The following DHRS11 variants were observed in gnomAD, a reference collection of about 807,000 sequenced individuals.
The protein encoded by DHRS11 is dehydrogenase/reductase SDR family member 11.
Under a neutral mutation model 30.7 loss-of-function variants are expected in DHRS11, and 18 were observed. The ratio of observed to expected loss-of-function variants is 0.59; its 90% CI spans 0.41 to 0.87. The LOEUF is 0.87. Ranked by LOEUF, DHRS11 falls within the 40% of genes least tolerant of loss-of-function variation. DHRS11 has a pLI of 0.00. For missense variants in DHRS11, 300 were observed against 349.0 expected (o/e 0.86, Z 1.12); for synonymous variants, 123 against 139.6 (o/e 0.88, Z 0.84).
intron 3 of DHRS11, 99 bp from the exon 4 acceptor site, chr17:36,598,822 T>C: frequency 6.8e-7 from 1 of 1,472,014 alleles, no homozygotes; most frequent in Non-Finnish European, 9.2e-7. Context: ...GTCTTCCCGA[T>C]GGGCATCTGG....
Position 36,598,257 on chromosome 17 carries a change from G to A in DHRS11, c.452G>A (p.Ser151Asn). ...GATGGGCACATCATTAACATCAATAGGTGAGGGCAGGTGGCCAATGGGTAC... is the reference window on the plus strand; with the variant it reads ...GATGGGCACATCATTAACATCAATAAGTGAGGGCAGGTGGCCAATGGGTAC... ...VDDGHIININ[S>N]MSGHRVLPLS... Residue 151 changes from serine (S) to asparagine (N), a missense_variant and splice_region_variant, in exon 3 of 7, where the codon AGC (serine) becomes AAC (asparagine). Physicochemically the swap from Ser to Asn is conservative, Grantham distance 46. Coordinates refer to ENST00000618403, the MANE Select transcript of DHRS11 (RefSeq NM_024308.4). The A allele has an allele frequency of 6.2e-7, 1 of 1,613,844 alleles. No homozygotes were observed.
chr17:36,598,263 G>A lies in DHRS11; in HGVS notation c.452+6G>A. 6.2e-7 allele frequency: 1 copy of A among 1,613,814 alleles called. No homozygotes were observed. Among genetic ancestry groups the A allele is most frequent in the South Asian group, 1.1e-5 (1 of 91,074 alleles). ...CACATCATTAACATCAATAGGTGAG[G>A]GCAGGTGGCCAATGGGTACCACTCA... On this transcript the variant is annotated splice_donor_region_variant and intron_variant, in intron 3 of 6. Transcript: ENST00000618403.
chr17:36,598,071 C>A, intron 2 of DHRS11, 92 bp from the exon 3 acceptor site: 1 of 1,322,706 alleles, frequency 7.6e-7, no homozygotes, highest in Non-Finnish European at 1.1e-6. Context: ...TGGAATGCCA[C>A]ACTGCCCCCT....
chr17:36,594,893 G>C (rs1040594138), intron 1 of DHRS11, 78 bp from the exon 2 acceptor site: 1 of 1,477,860 alleles, frequency 6.8e-7, no homozygotes, highest in Non-Finnish European at 9.4e-7. Context: ...AGTGTGACGG[G>C]GGTCGGGGTC....
At position 36,600,002 on chromosome 17, in the gene DHRS11, G is replaced by A. The variant is rs192164091; in HGVS notation, c.706G>A (p.Val236Ile). The A allele has an allele frequency of 6.2e-7, 1 of 1,613,776 alleles. No individual in the cohort carries two copies. The highest frequency in any genetic ancestry group is 2.2e-5 in the East Asian group (1 of 44,846). Reference protein sequence around the residue: ...CLKPEDVAEAVIYVLSTPAHI... With the variant: ...CLKPEDVAEAIIYVLSTPAHI... ...CAAACCCGAGGATGTGGCCGAGGCT[G>A]TTATCTACGTCCTCAGCACCCCCGC... Residue 236 changes from valine to isoleucine, a missense_variant, in exon 6 of 7, where the codon GTT becomes ATT. By Grantham distance (29) the Val-to-Ile change is conservative. Coordinates refer to ENST00000618403, the MANE Select transcript of DHRS11 (RefSeq NM_024308.4).
chr17:36,593,251 A>G (rs892429253), intron 1 of DHRS11, among the ~76,000 whole-genome samples: 1 of 152,152 alleles, frequency 6.6e-6, no homozygotes, highest in Non-Finnish European at 1.5e-5. Context: ...CCCCAAGGGG[A>G]TCCCCAGGCT....
rs994333850 is a variant in DHRS11, at chr17:36,600,569, G to A, written c.*366G>A. The A allele has an allele frequency of 4.1e-5, 17 of 419,132 alleles. No individual in the cohort carries two copies. Among genetic ancestry groups the A allele is most frequent in the Non-Finnish European group, 7.0e-5 (16 of 228,448 alleles). 26.0% of individuals were successfully genotyped at this position (419,132 alleles called of 1,614,324 possible). ...GTGGCTCAGGGCTGGGGTGGCAGAGGGAGGCCTTCACCTTATATCTGTGTT... is the reference window on the plus strand; with the variant it reads ...GTGGCTCAGGGCTGGGGTGGCAGAGAGAGGCCTTCACCTTATATCTGTGTT... On this transcript the variant is annotated 3_prime_UTR_variant, in exon 7 of 7. Transcript: ENST00000618403.
In DHRS11 at chr17:36,592,133, G is replaced by T; in HGVS notation, c.124G>T (p.Ala42Ser). Residue 42 changes from alanine to serine, a missense_variant, in exon 1 of 7, where the codon GCC becomes TCC. Transcript: ENST00000618403. This position sits in a 1 kb window ranked among gnomAD's most constrained non-coding sequence, Gnocchi z 4.4. ...VQQGLKVVGCARTVGNIEELA... is the reference protein window; with the variant it reads ...VQQGLKVVGCSRTVGNIEELA... ...GCAGGGACTGAAGGTGGTGGGCTGCGCCCGCACTGTGGGCAACATCGAGGT... is the reference window on the plus strand; with the variant it reads ...GCAGGGACTGAAGGTGGTGGGCTGCTCCCGCACTGTGGGCAACATCGAGGT... 7.8e-7 allele frequency: 1 copy of T among 1,281,564 alleles called. No individual in the cohort carries two copies. The allele number at this position is 1,281,564 out of a possible 1,614,324, so 79.4% of individuals were successfully genotyped here.
At position 36,600,512 on chromosome 17, in the gene DHRS11, C is replaced by CA. The variant is rs1224617755; in HGVS notation, c.*313dup. 6 of 540,048 alleles carry CA rather than the reference C, an allele frequency of 1.1e-5. No individual in the cohort carries two copies. Among genetic ancestry groups the CA allele is most frequent in the African/African-American group, 1.9e-5 (1 of 52,668 alleles). 33.5% of individuals were successfully genotyped at this position (540,048 alleles called of 1,614,324 possible). On this transcript the variant is annotated 3_prime_UTR_variant, in exon 7 of 7. Transcript: ENST00000618403. ...TTTGACATGGGAAAGGAGTTGTGGC[C>CA]AAAATCCCCATCTTCTTGCACCTCA...
At chr17:36,597,843 A>G (rs1010613346) in intron 2 of DHRS11, 5 of 477,102 alleles carry the variant, frequency 1.0e-5, no homozygotes, top group African/African-American at 5.9e-5. Flanking sequence ...GGTCTGTGCT[A>G]CTGTTCATAG....
chr17:36,599,996 G>T lies in DHRS11; in HGVS notation c.700G>T (p.Glu234Ter), dbSNP rs775575697. 1 of 1,613,742 alleles carries T rather than the reference G, an allele frequency of 6.2e-7. No individual in the cohort carries two copies. Among genetic ancestry groups the T allele is most frequent in the Admixed American group, 1.7e-5 (1 of 59,944 alleles). ...MKCLKPEDVAEAVIYVLSTPA... is the reference protein window; with the variant it reads ...MKCLKPEDVA ...GTGTCTCAAACCCGAGGATGTGGCC[G>T]AGGCTGTTATCTACGTCCTCAGCAC... The change falls in exon 6 of 7, where the codon GAG becomes TAG. Residue 234 changes from glutamate (E) to a stop codon, truncating the protein, a stop_gained. Coordinates refer to ENST00000618403, the MANE Select transcript of DHRS11 (RefSeq NM_024308.4). LOFTEE classifies it high-confidence loss of function.
In DHRS11 at chr17:36,595,182, TAAGAGCTCC is replaced by T. The variant is rs1567841236; in HGVS notation, c.357+6_357+14del. The T allele has an allele frequency of 6.2e-7, 1 of 1,612,986 alleles. No individual in the cohort carries two copies. The highest frequency in any genetic ancestry group is 1.7e-5 in the Admixed American group (1 of 60,024). On this transcript the variant is annotated splice_donor_5th_base_variant and intron_variant, in intron 2 of 6. Coordinates refer to ENST00000618403, the MANE Select transcript of DHRS11 (RefSeq NM_024308.4). ...AGTGGTTGGAAGGACATGTTCAATG[TAAGAGCTCC>T]AAGCCTCCATCTTCCAGGTGGAGGG... is the stretch of plus-strand genomic sequence containing the variant.
intron 1 of DHRS11, among the ~76,000 whole-genome samples, chr17:36,593,495 G>A (rs1014256697): frequency 2.6e-5 from 4 of 152,176 alleles, no homozygotes; most frequent in African/African-American, 9.7e-5. Flanking sequence ...CACCAGGGGA[G>A]GGGAAAGCTG....
Position 36,594,994 on chromosome 17 carries a change from T to A in DHRS11, c.171T>A (p.Ser57Arg), listed in dbSNP as rs765171917. ...AGGAGCTGGCTGCTGAATGTAAGAG[T>A]GCAGGCTACCCCGGGACTTTGATCC... ...NIEELAAECK[S>R]AGYPGTLIPY... is the part of the protein sequence containing the mutation. Residue 57 changes from serine (S) to arginine (R), a missense_variant, in exon 2 of 7, where the codon AGT becomes AGA. By Grantham distance (110) the Ser-to-Arg change is moderately radical (BLOSUM62 -1). Transcript: ENST00000618403. 1.2e-6 allele frequency: 2 copies of A among 1,613,910 alleles called. No individual in the cohort carries two copies. The highest frequency in any genetic ancestry group is 1.7e-6 in the Non-Finnish European group (2 of 1,179,994).
chr17:36,594,326 A>T (rs575022791), intron 1 of DHRS11, among the ~76,000 whole-genome samples: 1 of 152,286 alleles, frequency 6.6e-6, no homozygotes, highest in African/African-American at 2.4e-5. Context: ...GGCGCATATT[A>T]CCTATGGGCA....
intron 3 of DHRS11, chr17:36,598,657 T>C: frequency 3.8e-6 from 2 of 531,838 alleles, no homozygotes; most frequent in East Asian, 6.4e-5. Flanking sequence ...ACAGATTAGA[T>C]GGAGAGAATT....
At chr17:36,598,396 G>A (rs1188038874) in intron 3 of DHRS11, 139 bp downstream of exon 3, 8 of 801,040 alleles carry the variant, frequency 1.0e-5, no homozygotes, top group Non-Finnish European at 1.6e-5. Flanking sequence ...TATGGTGAGG[G>A]AAAGAATAAT....
chr17:36,596,037 G>A (rs1038918394), intron 2 of DHRS11, among the ~76,000 whole-genome samples: 6 of 152,168 alleles, frequency 3.9e-5, no homozygotes, highest in Admixed American at 1.3e-4. Flanking sequence ...GGGCCAGGTA[G>A]GTACATAAAG....
At chr17:36,595,593 T>C (rs2074804904) in intron 2 of DHRS11, among the ~76,000 whole-genome samples, 1 of 151,876 alleles carries the variant, frequency 6.6e-6, no homozygotes, top group Admixed American at 6.6e-5. Flanking sequence ...TCTAATTTTT[T>C]TGTATTTTTA....
Sources: gnomAD v4.1 joint callset for allele counts (sites outside exome capture counted in the v4.1 genomes callset) on GRCh38, gnomAD v4.1.1 for gene constraint, Gnocchi (gnomAD v3.1) non-coding constraint, MANE v1.5 for transcripts, NCBI Gene and HGNC (gene_info 2026-07-23, HGNC 2026-07-21) for gene names.